The following SCHIP1 variants were observed in gnomAD, a reference collection of about 807,000 sequenced individuals.
SCHIP1 encodes schwannomin interacting protein 1.
In SCHIP1, 8 loss-of-function variants were observed where a neutral mutation model predicts 29.7. The observed-to-expected ratio is 0.27, with a 90% CI of 0.16 to 0.49. SCHIP1 has a LOEUF of 0.49. Among genes scored for constraint, SCHIP1 ranks in the 20% least tolerant of loss-of-function variants. The pLI, the probability that SCHIP1 is intolerant of heterozygous loss-of-function variation, is 0.99. For missense variants in SCHIP1, 193 were observed against 294.6 expected (o/e 0.66, Z 2.52); for synonymous variants, 76 against 94.9 (o/e 0.80, Z 1.16).
chr3:159,852,857 C>T (rs977230449), intron 1 of SCHIP1: 3 of 152,152 alleles, frequency 2.0e-5, no homozygotes, highest in African/African-American at 7.2e-5. Context: ...CATGGGATAC[C>T]CAGCTTTTAA....
At chr3:159,704,886 TTCTTTCTTTC>T in the SCHIP1 span, among the ~76,000 whole-genome samples, 1 of 77,374 alleles carries the variant, frequency 1.3e-5, no homozygotes. Flanking sequence ...CTTTCTTTCT[TTCTTTCTTTC>T]TTTCTTTCTT....
At chr3:159,452,823 T>A in the SCHIP1 span, among the ~76,000 whole-genome samples, 1 of 139,898 alleles carries the variant, frequency 7.1e-6, no homozygotes, top group Non-Finnish European at 1.5e-5. Flanking sequence ...TTGTTTCCTG[T>A]CTGAAAACAT....
At chr3:159,491,063 T>A in the SCHIP1 span, among the ~76,000 whole-genome samples, 1 of 152,164 alleles carries the variant, frequency 6.6e-6, no homozygotes, top group African/African-American at 2.4e-5. Context: ...TCTGGGCAGG[T>A]AGGAAGACAG....
the SCHIP1 span, among the ~76,000 whole-genome samples, chr3:159,741,079 A>C: frequency 1.3e-5 from 2 of 152,160 alleles, no homozygotes; most frequent in Non-Finnish European, 2.9e-5. Flanking sequence ...AAGCTCCCTG[A>C]AGAGAGGTAT....
the SCHIP1 span, among the ~76,000 whole-genome samples, chr3:159,403,840 G>A: frequency 6.6e-6 from 1 of 152,158 alleles, no homozygotes; most frequent in African/African-American, 2.4e-5. Context: ...TCAACCCTAG[G>A]CAGCACAGCT....
the SCHIP1 span, among the ~76,000 whole-genome samples, chr3:159,565,335 TAA>T: frequency 4.4e-4 from 67 of 152,356 alleles, no homozygotes; most frequent in Middle Eastern, 6.8e-3. Context: ...AACATTATAC[TAA>T]GTCTTTAGCA....
At chr3:159,466,660 C>T in the SCHIP1 span, among the ~76,000 whole-genome samples, 1 of 152,022 alleles carries the variant, frequency 6.6e-6, no homozygotes, top group African/African-American at 2.4e-5. Flanking sequence ...GAAAAGAGCT[C>T]TTACAATTGT....
chr3:159,415,523 C>T, the SCHIP1 span, among the ~76,000 whole-genome samples: 1,865 of 152,208 alleles, frequency 0.012, 16 homozygotes, highest in Non-Finnish European at 0.017. Flanking sequence ...TCATTGAATT[C>T]CCTTCTATAA....
chr3:159,295,136 G>T, the SCHIP1 span, among the ~76,000 whole-genome samples: 1 of 151,208 alleles, frequency 6.6e-6, no homozygotes, highest in Non-Finnish European at 1.5e-5. Context: ...ACATTCCCCA[G>T]AATTGCTCTT....
At chr3:159,685,622 T>TTTGCAAGTA in the SCHIP1 span, among the ~76,000 whole-genome samples, 3 of 152,244 alleles carry the variant, frequency 2.0e-5, no homozygotes, top group African/African-American at 7.2e-5. Flanking sequence ...CAATTTATTT[T>TTTGCAAGTA]ACTTGCAAAA....
chr3:159,596,491 C>T, the SCHIP1 span, among the ~76,000 whole-genome samples: 20 of 152,170 alleles, frequency 1.3e-4, no homozygotes, highest in East Asian at 7.7e-4. Flanking sequence ...TATAAAGACA[C>T]ATGCACACGT....
chr3:159,759,149 AT>A, the SCHIP1 span, among the ~76,000 whole-genome samples: 4 of 152,224 alleles, frequency 2.6e-5, no homozygotes, highest in African/African-American at 9.7e-5. Context: ...TAATATGTTA[AT>A]TTTTTAAAGG....
the SCHIP1 span, among the ~76,000 whole-genome samples, chr3:159,507,714 A>G: frequency 1.2e-4 from 19 of 152,152 alleles, no homozygotes; most frequent in African/African-American, 3.6e-4. Flanking sequence ...TTCTGCATCT[A>G]TTGAGATAAT....
the SCHIP1 span, among the ~76,000 whole-genome samples, chr3:159,491,171 G>C: frequency 1.3e-5 from 2 of 152,204 alleles, no homozygotes; most frequent in Non-Finnish European, 2.9e-5. Context: ...ACAGCTCCCA[G>C]CATGAGTGAC....
chr3:159,653,388 C>T, the SCHIP1 span, among the ~76,000 whole-genome samples: 1 of 152,208 alleles, frequency 6.6e-6, no homozygotes, highest in East Asian at 1.9e-4. Flanking sequence ...CACATATATA[C>T]CATGGAATAC....
At chr3:159,631,900 C>G in the SCHIP1 span, among the ~76,000 whole-genome samples, 1 of 152,024 alleles carries the variant, frequency 6.6e-6, no homozygotes, top group African/African-American at 2.4e-5. Context: ...AATGGTTTCT[C>G]TGTGTGATAT....
chr3:159,425,463 A>C, the SCHIP1 span, among the ~76,000 whole-genome samples: 360 of 152,182 alleles, frequency 2.4e-3, 1 homozygote, highest in African/African-American at 7.4e-3. Flanking sequence ...ACATAATGGT[A>C]AAGGGATCAA....
the SCHIP1 span, among the ~76,000 whole-genome samples, chr3:159,648,569 A>G: frequency 6.6e-6 from 1 of 152,150 alleles, no homozygotes; most frequent in Admixed American, 6.6e-5. Flanking sequence ...TGCTACTTAT[A>G]TGTATTGAAC....
chr3:159,313,305 T>C, the SCHIP1 span, among the ~76,000 whole-genome samples: 1 of 152,220 alleles, frequency 6.6e-6, no homozygotes, highest in Admixed American at 6.5e-5. Flanking sequence ...ATTTAAATTA[T>C]TGTTAACTGG....
Sources: allele counts gnomAD v4.1 joint callset (sites outside exome capture counted in the v4.1 genomes callset), GRCh38; gene constraint gnomAD v4.1.1; transcripts MANE v1.5; gene names NCBI Gene and HGNC (gene_info 2026-07-23, HGNC 2026-07-21).